Variants in MPPED1 observed in about 807,000 individuals in gnomAD.
MPPED1 encodes metallophosphoesterase domain-containing protein 1.
In MPPED1, 16 loss-of-function variants were observed where a neutral mutation model predicts 36.2. That is an observed-to-expected ratio of 0.44 (90% CI 0.30 to 0.67). The LOEUF (loss-of-function observed/expected upper bound fraction) is 0.67. MPPED1 is among the 30% of genes least tolerant of loss of function. The pLI is 0.10. For missense variants in MPPED1, 307 were observed against 453.4 expected (o/e 0.68, Z 2.93); for synonymous variants, 199 against 191.3 (o/e 1.04, Z -0.33).
intron 3 of MPPED1, among the ~76,000 whole-genome samples, chr22:43,440,488 C>T (rs2146840496): frequency 6.6e-6 from 1 of 152,302 alleles, no homozygotes; most frequent in East Asian, 1.9e-4. Flanking sequence ...CAGCCACTGA[C>T]CCCAAGGCCC....
At position 43,502,134 on chromosome 22, in the gene MPPED1, G is replaced by A. The variant is rs1932751112; in HGVS notation, c.749-510G>A. Among the ~76,000 whole-genome samples the A allele has an allele frequency of 6.6e-6, 1 of 152,274 alleles. No homozygotes were observed. The highest frequency in any genetic ancestry group is 1.9e-4 in the East Asian group (1 of 5,156). ...ACGTGAGCGATGCTGCACCCACGGA[G>A]GAAGTTTCTGCTCATGAGTCTGTGC... On this transcript the variant is annotated intron_variant, in intron 5 of 6. Transcript: ENST00000443721. The surrounding 1 kb of genome is among the most constrained non-coding windows in gnomAD (Gnocchi z 5.5).
chr22:43,497,609 G>T (rs1463591553), intron 4 of MPPED1, among the ~76,000 whole-genome samples: 2 of 151,944 alleles, frequency 1.3e-5, no homozygotes, highest in African/African-American at 4.8e-5. Flanking sequence ...CCAGGTCTTG[G>T]CTGGGGAGCA....
chr22:43,423,407 G>A (rs1929346736), intron 1 of MPPED1, among the ~76,000 whole-genome samples: 1 of 152,186 alleles, frequency 6.6e-6, no homozygotes, highest in African/African-American at 2.4e-5. Flanking sequence ...TGCAGGGAGA[G>A]CCAATTCACT....
At chr22:43,471,021 A>G (rs12484844) in intron 3 of MPPED1, among the ~76,000 whole-genome samples, 14,128 of 152,222 alleles carry the variant, frequency 0.093, 848 homozygotes, top group African/African-American at 0.16. Flanking sequence ...CTTGTGCCCC[A>G]TCCACCCTTT....
At chr22:43,445,014 G>A (rs537988143) in intron 3 of MPPED1, among the ~76,000 whole-genome samples, 1 of 152,306 alleles carries the variant, frequency 6.6e-6, no homozygotes, top group South Asian at 2.1e-4. Context: ...TATGTGGGCT[G>A]TAAGTGGTTA....
chr22:43,496,287 TGGA>T (rs1347800541), intron 4 of MPPED1, among the ~76,000 whole-genome samples: 8 of 42,256 alleles, frequency 1.9e-4, no homozygotes, highest in Admixed American at 5.4e-4. Flanking sequence ...ATGGTGGTGG[TGGA>T]GGTGGTGGTG....
chr22:43,431,022 T>TG (rs1929663709), intron 2 of MPPED1, among the ~76,000 whole-genome samples: 1 of 2,868 alleles, frequency 3.5e-4, no homozygotes. Flanking sequence ...TTGTTGTTAA[T>TG]TTTTTTTTTT....
chr22:43,467,290 C>T (rs929663902), intron 3 of MPPED1, among the ~76,000 whole-genome samples: 2 of 152,202 alleles, frequency 1.3e-5, no homozygotes, highest in Non-Finnish European at 2.9e-5. Context: ...TGATGCTGGT[C>T]GCAGTGCCTG....
intron 1 of MPPED1, chr22:43,418,932 G>A (rs1368809194): frequency 6.6e-6 from 1 of 152,276 alleles, no homozygotes; most frequent in Non-Finnish European, 1.5e-5. Context: ...GGGGTTGCTT[G>A]AAAATCCCTT....
At chr22:43,463,811 C>CTTTCTTTCTTTTTTTCTTTCTTTCTT (rs1263255803) in intron 3 of MPPED1, among the ~76,000 whole-genome samples, 753 of 24,242 alleles carry the variant, frequency 0.031, 22 homozygotes, top group African/African-American at 0.11. Context: ...TTTTTCTTTT[C>CTTTCTTTCTTTTTTTCTTTCTTTCTT]TTTCTTTCTT....
intron 2 of MPPED1, among the ~76,000 whole-genome samples, chr22:43,428,716 ACT>A (rs1176440178): frequency 1.3e-5 from 2 of 151,744 alleles, no homozygotes; most frequent in African/African-American, 2.4e-5. Flanking sequence ...GCCCCCAGAG[ACT>A]CTGCTGGTGA....
chr22:43,480,876 T>A lies in MPPED1; in HGVS notation c.632+5915T>A, dbSNP rs188733760. Reference sequence around the variant, plus strand: ...TCTCACTCTGTCGCCTAGGTTAGAGTGCAATGGCATGATCTCGGCTCACTG... The same window carrying A: ...TCTCACTCTGTCGCCTAGGTTAGAGAGCAATGGCATGATCTCGGCTCACTG... On this transcript the variant is annotated intron_variant, in intron 4 of 6. Coordinates refer to ENST00000443721, the MANE Select transcript of MPPED1 (RefSeq NM_001044370.2). Among the ~76,000 whole-genome samples, 20 of 150,940 alleles carry A rather than the reference T, an allele frequency of 1.3e-4. No homozygotes were observed. The East Asian group carries it at 3.7e-3, about 28-fold the overall frequency.
intron 3 of MPPED1, among the ~76,000 whole-genome samples, chr22:43,461,721 A>C (rs1188296255): frequency 1.3e-5 from 2 of 152,230 alleles, no homozygotes; most frequent in African/African-American, 2.4e-5. Flanking sequence ...ATATTTAATG[A>C]AAAAACCTGA....
chr22:43,485,745 C>T (rs555220307), intron 4 of MPPED1, among the ~76,000 whole-genome samples: 15 of 152,242 alleles, frequency 9.9e-5, no homozygotes, highest in African/African-American at 2.9e-4. Context: ...AAAGTCCCAG[C>T]GAAACAAAAG....
intron 6 of MPPED1, among the ~76,000 whole-genome samples, chr22:43,504,714 GATA>G (rs1196860605): frequency 2.0e-5 from 3 of 152,042 alleles, no homozygotes; most frequent in South Asian, 2.1e-4. Context: ...TGGTGGTGGT[GATA>G]ATGATGATGA....
chr22:43,459,618 TAATGA>T (rs1289052881), intron 3 of MPPED1, among the ~76,000 whole-genome samples: 2 of 152,256 alleles, frequency 1.3e-5, no homozygotes, highest in Non-Finnish European at 2.9e-5. Context: ...TGAGACCCTC[TAATGA>T]AAATGTTGTT....
At chr22:43,437,907 A>G (rs139602937) in intron 3 of MPPED1, among the ~76,000 whole-genome samples, 44 of 152,308 alleles carry the variant, frequency 2.9e-4, no homozygotes, top group African/African-American at 9.6e-4. Flanking sequence ...AGGCAGTGGA[A>G]CAACACATGT....
chr22:43,499,618 T>G (rs1436843404), intron 5 of MPPED1, among the ~76,000 whole-genome samples: 17 of 35,070 alleles, frequency 4.8e-4, no homozygotes, highest in Non-Finnish European at 5.5e-4. Context: ...GTGGTGATGG[T>G]GGTGGTGATG....
At chr22:43,463,292 G>T in intron 3 of MPPED1, among the ~76,000 whole-genome samples, 1 of 147,940 alleles carries the variant, frequency 6.8e-6, no homozygotes, top group Non-Finnish European at 1.5e-5. Context: ...TTCTCTTCCT[G>T]CAACTTGTAG....
Sources: gnomAD v4.1 joint callset for allele counts (sites outside exome capture counted in the v4.1 genomes callset) on GRCh38, gnomAD v4.1.1 for gene constraint, Gnocchi (gnomAD v3.1) non-coding constraint, MANE v1.5 for transcripts, NCBI Gene and HGNC (gene_info 2026-07-23, HGNC 2026-07-21) for gene names.